Variants in ANKRD36C observed in about 807,000 individuals in gnomAD.
ANKRD36C encodes ankyrin repeat domain-containing protein 36C.
Under a neutral mutation model 276.4 loss-of-function variants are expected in ANKRD36C, and 61 were observed. That is an observed-to-expected ratio of 0.22 (90% confidence interval 0.18 to 0.27). ANKRD36C has a LOEUF of 0.27. Ranked by LOEUF, ANKRD36C falls within the 10% of genes least tolerant of loss-of-function variation. The probability of loss-of-function intolerance (pLI) is 1.00; values close to 1 mark genes in which losing one functional copy is unlikely to be tolerated. For missense variants in ANKRD36C, 1,447 were observed against 2,032.3 expected (o/e 0.71, Z 5.54); for synonymous variants, 483 against 680.1 (o/e 0.71, Z 4.51).
At chr2:95,903,199 T>G in intron 42 of ANKRD36C, 118 bp from the exon 53 acceptor site, 1 of 1,477,578 alleles carries the variant, frequency 6.8e-7, no homozygotes, top group Admixed American at 2.0e-5. Context: ...TAGGCTTTGA[T>G]GGCTTCTACT....
rs768939532 is a variant in ANKRD36C, at chr2:95,916,070, C to T, written c.2377-18G>A. ...CTTGTAGCCTGAATGGAATTTGAAACAAAATAATAAATAAGGTATGTTTCA... is the reference window on the plus strand; with the variant it reads ...CTTGTAGCCTGAATGGAATTTGAAATAAAATAATAAATAAGGTATGTTTCA... On this transcript the variant is annotated intron_variant, in intron 37 of 66. Coordinates refer to ENST00000456556, the Ensembl canonical transcript of ANKRD36C. The T allele has an allele frequency of 6.9e-6, 11 of 1,595,758 alleles. No homozygotes were observed. Among genetic ancestry groups the T allele is most frequent in the Non-Finnish European group, 9.4e-6 (11 of 1,173,014 alleles).
At chr2:95,863,230 C>T (rs956484618) in intron 60 of ANKRD36C, among the ~76,000 whole-genome samples, 3 of 151,844 alleles carry the variant, frequency 2.0e-5, no homozygotes, top group Non-Finnish European at 4.4e-5. Context: ...GTAAACAGGA[C>T]AACTTAGATA....
At chr2:95,896,280 A>G (rs1162992098) in intron 44 of ANKRD36C, among the ~76,000 whole-genome samples, 2 of 149,708 alleles carry the variant, frequency 1.3e-5, no homozygotes, top group Non-Finnish European at 3.0e-5. Flanking sequence ...AGCCTCAATA[A>G]AAATATCATC....
exon 39 of ANKRD36C, chr2:95,914,302 C>A: frequency 2.6e-6 from 4 of 1,548,614 alleles, no homozygotes; most frequent in Non-Finnish European, 3.5e-6. Context: ...TCTCAGAAGT[C>A]ACTGAAAAGT....
Position 95,891,436 on chromosome 2 carries a change from A to G in ANKRD36C, c.2857+229T>C, listed in dbSNP as rs150005456. Reference sequence around the variant, plus strand: ...CCCCTTATGCCTTGAACTGCTCTCCATATTTCTTCTTCCCACTTTCAATGG... The same window carrying G: ...CCCCTTATGCCTTGAACTGCTCTCCGTATTTCTTCTTCCCACTTTCAATGG... On this transcript the variant is annotated intron_variant, in intron 46 of 66. Coordinates refer to ENST00000456556, the Ensembl canonical transcript of ANKRD36C. 3.0e-3 allele frequency among the ~76,000 whole-genome samples: 450 copies of G among 151,514 alleles called. 4 individuals carry two copies. The highest frequency in any genetic ancestry group is 0.011 in the African/African-American group (437 of 41,432).
intron 32 of ANKRD36C, among the ~76,000 whole-genome samples, chr2:95,923,148 C>A (rs1025476281): frequency 1.3e-5 from 2 of 151,526 alleles, no homozygotes; most frequent in African/African-American, 4.8e-5. Flanking sequence ...TACGATGTGA[C>A]GTCTGTAAAA....
rs540587298 is a variant in ANKRD36C, at chr2:95,902,683, G to A, written c.2654-3347C>T. On this transcript the variant is annotated intron_variant, in intron 42 of 66. Coordinates refer to ENST00000456556, the Ensembl canonical transcript of ANKRD36C. Reference sequence around the variant, plus strand: ...TATTTCTTCTTCCCAATTTCAATATGGGGAAGTGTATAATCTTACTGCGAA... The same window carrying A: ...TATTTCTTCTTCCCAATTTCAATATAGGGAAGTGTATAATCTTACTGCGAA... 3.0e-4 allele frequency among the ~76,000 whole-genome samples: 45 copies of A among 150,322 alleles called. 1 individual carries two copies. In the Middle Eastern group the frequency reaches 0.017, roughly 57 times the overall value.
chr2:95,902,754 T>G (rs1251379269), intron 42 of ANKRD36C, 132 bp downstream of exon 54: 1 of 1,202,654 alleles, frequency 8.3e-7, no homozygotes, highest in East Asian at 2.7e-5. Context: ...ACAAACTTAT[T>G]TGAAATGAAG....
chr2:95,919,677 G>T, intron 34 of ANKRD36C, 56 bp downstream of exon 36: 1 of 595,280 alleles, frequency 1.7e-6, no homozygotes, highest in Non-Finnish European at 2.1e-6. Flanking sequence ...ATTCGGGATA[G>T]AGAAGTTCTT....
chr2:95,884,469 A>T, intron 52 of ANKRD36C, 101 bp from the exon 73 acceptor site: 1 of 1,578,138 alleles, frequency 6.3e-7, no homozygotes, highest in Middle Eastern at 2.3e-4. Context: ...TTCTGCCTGT[A>T]TTAGGGTAGG....
chr2:95,929,636 G>A (rs2104439666), intron 24 of ANKRD36C, among the ~76,000 whole-genome samples: 1 of 151,744 alleles, frequency 6.6e-6, no homozygotes, highest in South Asian at 2.1e-4. Flanking sequence ...GGTGATACAT[G>A]CACCCGCATG....
chr2:95,926,028 T>C (rs900279189), intron 28 of ANKRD36C, among the ~76,000 whole-genome samples: 34 of 151,574 alleles, frequency 2.2e-4, no homozygotes, highest in Non-Finnish European at 4.4e-4. Flanking sequence ...GACACTTTAG[T>C]AGAATGTACA....
At chr2:95,960,367 A>G (rs2104503944) in intron 10 of ANKRD36C, 106 bp downstream of exon 10, 1 of 1,361,248 alleles carries the variant, frequency 7.3e-7, no homozygotes, top group Non-Finnish European at 1.0e-6. Context: ...AGGCCCGCTG[A>G]ATCAGAATGT....
chr2:95,898,334 T>C (rs1426151240), intron 44 of ANKRD36C, among the ~76,000 whole-genome samples: 13 of 140,632 alleles, frequency 9.2e-5, no homozygotes, highest in Non-Finnish European at 1.4e-4. Flanking sequence ...GGGAGTATCA[T>C]GTTGTTCTCT....
At chr2:95,870,877 C>T (rs1675793944) in intron 59 of ANKRD36C, among the ~76,000 whole-genome samples, 1 of 152,012 alleles carries the variant, frequency 6.6e-6, no homozygotes, top group East Asian at 1.9e-4. Flanking sequence ...GTGCAGAAGC[C>T]TCAGGAGCCG....
chr2:95,891,693 T>C (rs1676365154), exon 46 of ANKRD36C: 3 of 1,574,832 alleles, frequency 1.9e-6, no homozygotes, highest in Non-Finnish European at 2.6e-6. Context: ...CATGCTTTTT[T>C]CCTCTGGCTA....
chr2:95,955,091 C>T, intron 13 of ANKRD36C, among the ~76,000 whole-genome samples: 1 of 152,398 alleles, frequency 6.6e-6, no homozygotes, highest in African/African-American at 2.4e-5. Flanking sequence ...CCGGCCAATC[C>T]TACATTTGTC....
Position 95,866,586 on chromosome 2 carries a change from A to T in ANKRD36C, c.3682+854T>A, listed in dbSNP as rs563416012. 1.1e-4 allele frequency among the ~76,000 whole-genome samples: 16 copies of T among 152,232 alleles called. No individual in the cohort carries two copies. In the East Asian group the frequency reaches 2.9e-3, roughly 28 times the overall value. On this transcript the variant is annotated intron_variant, in intron 60 of 66. Transcript: ENST00000456556. ...ACATTAAACCCATAAGAATATACAT[A>T]ATACACCCATCAGAATAACTAAAAT...
chr2:95,891,547 C>T (rs1676358557), intron 46 of ANKRD36C, 118 bp downstream of exon 66: 1 of 1,313,622 alleles, frequency 7.6e-7, no homozygotes, highest in African/African-American at 1.5e-5. Flanking sequence ...AATGAAGAAT[C>T]TCAGGACTGC....
Sources: gnomAD v4.1 joint callset for allele counts (sites outside exome capture counted in the v4.1 genomes callset) on GRCh38, gnomAD v4.1.1 for gene constraint, MANE v1.5 for transcripts, NCBI Gene and HGNC (gene_info 2026-07-23, HGNC 2026-07-21) for gene names.